The following FOXO3 variants were observed in gnomAD, a reference collection of about 807,000 sequenced individuals.
The protein encoded by FOXO3 is forkhead box O3, also known as forkhead box protein O3.
A neutral mutation model predicts 41.9 loss-of-function variants in FOXO3; 4 were observed. That is an observed-to-expected ratio of 0.10 (90% confidence interval 0.05 to 0.22). The LOEUF is 0.22. Ranked by LOEUF, FOXO3 falls within the 10% of genes least tolerant of loss-of-function variation. The probability of loss-of-function intolerance (pLI) is 1.00; values close to 1 mark genes in which losing one functional copy is unlikely to be tolerated. For synonymous variants in FOXO3, 318 were observed against 389.3 expected (o/e 0.82, Z 2.16); for missense variants, 534 against 906.8 (o/e 0.59, Z 5.28).
chr6:108,628,245 C>G (rs373275964), intron 1 of FOXO3, among the ~76,000 whole-genome samples: 2 of 152,190 alleles, frequency 1.3e-5, no homozygotes, highest in East Asian at 1.9e-4. Context: ...TTTTAGCCAT[C>G]GATTTTTGCT....
intron 1 of FOXO3, among the ~76,000 whole-genome samples, chr6:108,583,927 G>A (rs994503069): frequency 2.0e-5 from 3 of 151,568 alleles, no homozygotes; most frequent in African/African-American, 7.3e-5. Context: ...TCACCCAGAT[G>A]GTTGGAAGTT....
At chr6:108,621,872 G>T (rs377443104) in intron 1 of FOXO3, among the ~76,000 whole-genome samples, 2 of 152,156 alleles carry the variant, frequency 1.3e-5, no homozygotes, top group African/African-American at 4.8e-5. Context: ...GTCTCGTGCA[G>T]ACATGTTCAT....
chr6:108,657,518 T>C (rs1012103317), intron 1 of FOXO3, among the ~76,000 whole-genome samples: 2 of 152,214 alleles, frequency 1.3e-5, no homozygotes, highest in Non-Finnish European at 2.9e-5. Context: ...CCAGTTACCA[T>C]TGGCCTGCCT....
Position 108,602,467 on chromosome 6 carries a change from A to T in FOXO3, c.621+40638A>T, listed in dbSNP as rs1474292738. 3.3e-5 allele frequency among the ~76,000 whole-genome samples: 5 copies of T among 152,292 alleles called. No individual in the cohort carries two copies. In the South Asian group the frequency reaches 8.3e-4, roughly 25 times the overall value. On this transcript the variant is annotated intron_variant, in intron 1 of 2. Transcript: ENST00000406360. ...TCAGAGTAACAGAGATGCCACCAAG[A>T]TCTTGTTTTTTGCGTGAAGTTTGGG...
At chr6:108,592,240 G>T (rs542037783) in intron 1 of FOXO3, among the ~76,000 whole-genome samples, 3 of 152,254 alleles carry the variant, frequency 2.0e-5, no homozygotes, top group Non-Finnish European at 2.9e-5. Context: ...GCCCAAATTC[G>T]TGTAAGCATA....
At chr6:108,580,744 G>T (rs569764513) in intron 1 of FOXO3, among the ~76,000 whole-genome samples, 8 of 152,188 alleles carry the variant, frequency 5.3e-5, no homozygotes, top group African/African-American at 1.7e-4. Context: ...TGCATGATCC[G>T]TTAGAATTGT....
chr6:108,574,663 C>T (rs1776212324), intron 1 of FOXO3, among the ~76,000 whole-genome samples: 1 of 152,026 alleles, frequency 6.6e-6, no homozygotes, highest in South Asian at 2.1e-4. Flanking sequence ...AAGTTGCTGG[C>T]CAGGTTAGTG....
rs113065605 is a variant in FOXO3, at chr6:108,673,666, G to A, written c.*35-6161G>A. 3.2e-3 allele frequency among the ~76,000 whole-genome samples: 490 copies of A among 152,286 alleles called. 1 individual carries two copies. Among genetic ancestry groups the A allele is most frequent in the South Asian group, 8.5e-3 (41 of 4,820 alleles). On this transcript the variant is annotated intron_variant, in intron 2 of 2. Coordinates refer to ENST00000406360, the MANE Select transcript of FOXO3 (RefSeq NM_001455.4). ...TCAGTATTTGGTAGCTAAACCCTGA[G>A]ATGGACTGGCAATTACACCTGCATT...
chr6:108,603,144 A>G (rs1777102080), intron 1 of FOXO3, among the ~76,000 whole-genome samples: 1 of 151,436 alleles, frequency 6.6e-6, no homozygotes, highest in Non-Finnish European at 1.5e-5. Context: ...ACCATTTTTA[A>G]GGTGAATCAG....
chr6:108,641,846 A>G (rs543577559), intron 1 of FOXO3, among the ~76,000 whole-genome samples: 3 of 152,312 alleles, frequency 2.0e-5, no homozygotes, highest in African/African-American at 7.2e-5. Flanking sequence ...TTTTGCTTGT[A>G]AAGGAGAACA....
intron 1 of FOXO3, among the ~76,000 whole-genome samples, chr6:108,658,627 T>G (rs1778757205): frequency 6.6e-6 from 1 of 150,990 alleles, no homozygotes; most frequent in South Asian, 2.1e-4. Context: ...TTCGCCACGT[T>G]GGCCAGCGTG....
rs777177330 is a variant in FOXO3, at chr6:108,561,838, C to G, written c.621+9C>G. The G allele has an allele frequency of 1.3e-6, 2 of 1,534,636 alleles. No homozygotes were observed. The highest frequency in any genetic ancestry group is 2.0e-5 in the Admixed American group (1 of 49,494). ...GCTCTGCCGGCTGGAAGGTGCGTAC[C>G]CACCCCGGGCTGGCAGCAGGACCCG... On this transcript the variant is annotated intron_variant, in intron 1 of 2. Transcript: ENST00000406360.
chr6:108,582,812 G>A (rs1339613041), intron 1 of FOXO3, among the ~76,000 whole-genome samples: 1 of 152,088 alleles, frequency 6.6e-6, no homozygotes, highest in African/African-American at 2.4e-5. Context: ...CTTGTTGGGT[G>A]TAACTGCCTT....
intron 1 of FOXO3, among the ~76,000 whole-genome samples, chr6:108,614,651 T>G (rs1369834317): frequency 6.6e-6 from 1 of 152,090 alleles, no homozygotes; most frequent in Non-Finnish European, 1.5e-5. Context: ...TTGTTGGGTG[T>G]TTTTTAATCC....
chr6:108,664,960 T>C (rs1779005982), intron 2 of FOXO3, 71 bp downstream of exon 2: 3 of 1,426,038 alleles, frequency 2.1e-6, no homozygotes, highest in East Asian at 2.4e-5. Flanking sequence ...GGAGCCTGTC[T>C]TCTCTTTACT....
intron 1 of FOXO3, among the ~76,000 whole-genome samples, chr6:108,599,651 C>G (rs1015611847): frequency 3.9e-5 from 6 of 152,248 alleles, no homozygotes; most frequent in African/African-American, 1.4e-4. Flanking sequence ...AAATCTTTCT[C>G]CCATTCTCCT....
chr6:108,617,739 G>A (rs1052797387), intron 1 of FOXO3, among the ~76,000 whole-genome samples: 1 of 152,120 alleles, frequency 6.6e-6, no homozygotes, highest in African/African-American at 2.4e-5. Flanking sequence ...CACAGAATCA[G>A]TGTTTTTCCC....
At chr6:108,676,429 A>T (rs531423274) in intron 2 of FOXO3, among the ~76,000 whole-genome samples, 2 of 152,146 alleles carry the variant, frequency 1.3e-5, no homozygotes, top group African/African-American at 4.8e-5. Context: ...TTTGGTAGGG[A>T]CGGGGTTTTG....
intron 1 of FOXO3, among the ~76,000 whole-genome samples, chr6:108,643,988 AC>A (rs1366890627): frequency 6.6e-6 from 1 of 152,208 alleles, no homozygotes; most frequent in Non-Finnish European, 1.5e-5. Flanking sequence ...GGCCGTTGTT[AC>A]CCAGTGTAGT....
Sources: allele counts gnomAD v4.1 joint callset (sites outside exome capture counted in the v4.1 genomes callset), GRCh38; gene constraint gnomAD v4.1.1; transcripts MANE v1.5; gene names NCBI Gene and HGNC (gene_info 2026-07-23, HGNC 2026-07-21).